CYP27A1: variants seen among roughly 807,000 people sequenced by gnomAD.
CYP27A1 encodes sterol 26-hydroxylase, mitochondrial.
In CYP27A1, 46 loss-of-function variants were observed where a neutral mutation model predicts 58.2. The ratio of observed to expected loss-of-function variants is 0.79; its 90% CI spans 0.62 to 1.01. CYP27A1 has a LOEUF of 1.01. Ranked by LOEUF, CYP27A1 falls within the 50% of genes least tolerant of loss-of-function variation. The probability of loss-of-function intolerance (pLI) is 0.00; values close to 1 mark genes in which losing one functional copy is unlikely to be tolerated. For missense variants in CYP27A1, 704 were observed against 687.0 expected (o/e 1.02, Z -0.28); for synonymous variants, 274 against 285.1 (o/e 0.96, Z 0.39).
chr2:218,801,979 C>CT (rs10630235), intron 1 of CYP27A1, among the ~76,000 whole-genome samples: 3,449 of 130,556 alleles, frequency 0.026, 141 homozygotes, highest in African/African-American at 0.09. Context: ...TGCTAGCAGG[C>CT]TTTTTTTTTT....
chr2:218,814,751 C>T lies in CYP27A1; in HGVS notation c.1470C>T (p.Leu490=), dbSNP rs1229201370. ...CAGAGCTGGAGATGCAGCTACTCCTCGCAAGGGTGAGCTGGGAGAGGCTAG... is the reference window on the plus strand; with the variant it reads ...CAGAGCTGGAGATGCAGCTACTCCTTGCAAGGGTGAGCTGGGAGAGGCTAG... ...RIAELEMQLL[L]ARLIQKYKVV... is the part of the protein sequence containing the mutation. The change falls in exon 8 of 9, where the codon CTC becomes CTT. Residue 490 remains leucine, a synonymous_variant. Transcript: ENST00000258415. 68 of 1,613,918 alleles carry T rather than the reference C, an allele frequency of 4.2e-5. No homozygotes were observed. The highest frequency in any genetic ancestry group is 5.1e-5 in the Non-Finnish European group (60 of 1,180,008).
chr2:218,811,019 C>T (rs1340042153), intron 2 of CYP27A1, among the ~76,000 whole-genome samples: 2 of 152,042 alleles, frequency 1.3e-5, no homozygotes, highest in Admixed American at 6.6e-5. Context: ...GGTGTGGTGG[C>T]ATGCACCTGT....
intron 1 of CYP27A1, among the ~76,000 whole-genome samples, chr2:218,791,028 G>C (rs1943487516): frequency 1.3e-5 from 2 of 152,112 alleles, no homozygotes; most frequent in Non-Finnish European, 2.9e-5. Flanking sequence ...TAGAGACGGG[G>C]CTTCACCATG....
chr2:218,810,053 C>T (rs372395441), intron 2 of CYP27A1, among the ~76,000 whole-genome samples: 26 of 152,068 alleles, frequency 1.7e-4, no homozygotes, highest in African/African-American at 4.1e-4. Flanking sequence ...CTGAGGTGGG[C>T]GGATCACTTG....
chr2:218,812,319 A>G lies in CYP27A1; in HGVS notation c.544A>G (p.Ile182Val). The G allele has an allele frequency of 1.2e-6, 2 of 1,614,218 alleles. No homozygotes were observed. The highest frequency in any genetic ancestry group is 2.2e-5 in the South Asian group (2 of 91,084). The stretch of plus-strand genomic sequence containing the variant: ...CTATACGGATGCTTTCAATGAGGTG[A>G]TTGATGACTTTATGACTCGACTGGA... ...ALYTDAFNEV[I>V]DDFMTRLDQL... The change falls in exon 3 of 9, where the codon ATT becomes GTT. Residue 182 changes from isoleucine to valine, a missense_variant. Coordinates refer to ENST00000258415, the MANE Select transcript of CYP27A1 (RefSeq NM_000784.4).
intron 1 of CYP27A1, among the ~76,000 whole-genome samples, chr2:218,799,233 A>C (rs1289562030): frequency 6.6e-6 from 1 of 151,850 alleles, no homozygotes; most frequent in African/African-American, 2.4e-5. Flanking sequence ...AAGCCTCTTT[A>C]TGTTTCTAAG....
chr2:218,807,673 G>A (rs1452108557), intron 1 of CYP27A1, among the ~76,000 whole-genome samples: 5 of 152,036 alleles, frequency 3.3e-5, no homozygotes, highest in Admixed American at 1.3e-4. Context: ...CTGGAGTGCA[G>A]TGGGTACAGT....
At chr2:218,786,532 T>G (rs1943442139) in intron 1 of CYP27A1, among the ~76,000 whole-genome samples, 1 of 152,220 alleles carries the variant, frequency 6.6e-6, no homozygotes. Context: ...GCCAGTGCCT[T>G]TCTCTTTCCT....
At chr2:218,813,312 C>T (rs1188217121) in intron 5 of CYP27A1, among the ~76,000 whole-genome samples, 1 of 152,194 alleles carries the variant, frequency 6.6e-6, no homozygotes, top group Non-Finnish European at 1.5e-5. Context: ...ATGCCATCAC[C>T]TCCTGGAGCC....
chr2:218,812,780 A>G (rs1289459511), intron 4 of CYP27A1, 31 bp downstream of exon 4: 4 of 1,612,616 alleles, frequency 2.5e-6, no homozygotes, highest in Non-Finnish European at 2.5e-6. Context: ...CCCAGGGAAG[A>G]GAGATGGGGG....
At chr2:218,802,849 A>G (rs894163082) in intron 1 of CYP27A1, among the ~76,000 whole-genome samples, 3 of 152,238 alleles carry the variant, frequency 2.0e-5, no homozygotes, top group Non-Finnish European at 2.9e-5. Flanking sequence ...CATTTCCTTA[A>G]TGACAAATGA....
intron 1 of CYP27A1, among the ~76,000 whole-genome samples, chr2:218,783,315 C>T (rs1943413528): frequency 6.7e-6 from 1 of 150,066 alleles, no homozygotes; most frequent in Non-Finnish European, 1.5e-5. Context: ...AGTCTGTGTT[C>T]AGGTTAGTGG....
rs1237844608 is a variant in CYP27A1 at position 218,809,544 on chromosome 2, G to A, written c.256-33G>A. The A allele has an allele frequency of 1.0e-5, 16 of 1,575,956 alleles. No individual in the cohort carries two copies. In the Admixed American group the frequency reaches 2.7e-4, roughly 27 times the overall value. ...GTCCTGGGAGCACCTGCCCAGCTTG[G>A]CCCAGTTATTCAGTTTTGATTGAAC... On this transcript the variant is annotated intron_variant, in intron 1 of 8. Coordinates refer to ENST00000258415, the MANE Select transcript of CYP27A1 (RefSeq NM_000784.4).
In CYP27A1 at chr2:218,813,892, G is replaced by T; in HGVS notation, c.1018-129G>T. ...CATGGAGACTGCCATGAACCTGCAT[G>T]TTTTTTCCTGCTAGGCTAGTGGCAA... On this transcript the variant is annotated intron_variant, in intron 5 of 8. Transcript: ENST00000258415. 3 of 1,015,902 alleles carry T rather than the reference G, an allele frequency of 3.0e-6. No homozygotes were observed. The South Asian group carries it at 4.1e-5, about 14-fold the overall frequency. 62.9% of individuals were successfully genotyped at this position (1,015,902 alleles called of 1,614,324 possible).
At chr2:218,783,675 A>T (rs1251919380) in intron 1 of CYP27A1, among the ~76,000 whole-genome samples, 2 of 152,094 alleles carry the variant, frequency 1.3e-5, no homozygotes, top group African/African-American at 2.4e-5. Context: ...ACTCTGGGGG[A>T]GAAGCTGTTC....
chr2:218,808,236 T>C (rs1943671302), intron 1 of CYP27A1, among the ~76,000 whole-genome samples: 1 of 152,204 alleles, frequency 6.6e-6, no homozygotes, highest in African/African-American at 2.4e-5. Context: ...TCCAGGAAAA[T>C]AGGCATATTC....
intron 1 of CYP27A1, among the ~76,000 whole-genome samples, chr2:218,784,393 CCT>C (rs1436885093): frequency 6.6e-6 from 1 of 152,186 alleles, no homozygotes; most frequent in Non-Finnish European, 1.5e-5. Flanking sequence ...ACTTTCTTTA[CCT>C]CTGTTGTTTT....
At chr2:218,811,249 T>C (rs1429437316) in intron 2 of CYP27A1, among the ~76,000 whole-genome samples, 1 of 152,240 alleles carries the variant, frequency 6.6e-6, no homozygotes, top group Admixed American at 6.5e-5. Context: ...CCACCCCTAT[T>C]GCATCCTCCT....
In CYP27A1 at chr2:218,792,230, T is replaced by C. The variant is rs116308375; in HGVS notation, c.255+9793T>C. Among the ~76,000 whole-genome samples, 877 of 152,326 alleles carry C rather than the reference T, an allele frequency of 5.8e-3. 9 individuals carry two copies. Among genetic ancestry groups the C allele is most frequent in the African/African-American group, 0.02 (817 of 41,576 alleles). On this transcript the variant is annotated intron_variant, in intron 1 of 8. Coordinates refer to ENST00000258415, the MANE Select transcript of CYP27A1 (RefSeq NM_000784.4). The stretch of plus-strand genomic sequence containing the variant: ...TGCTTAACATTGGACTTACATCCTC[T>C]TGGATACCAGTTGTTTCTCCAATTT...
Sources: gnomAD v4.1 joint callset for allele counts (sites outside exome capture counted in the v4.1 genomes callset) on GRCh38, gnomAD v4.1.1 for gene constraint, MANE v1.5 for transcripts, NCBI Gene and HGNC (gene_info 2026-07-23, HGNC 2026-07-21) for gene names.